The following PRG3 variants were observed in gnomAD, a reference collection of about 807,000 sequenced individuals.
The protein encoded by PRG3 is proteoglycan 3, pro eosinophil major basic protein 2.
A neutral mutation model predicts 26.1 loss-of-function variants in PRG3; 25 were observed. The ratio of observed to expected loss-of-function variants is 0.96; its 90% CI spans 0.70 to 1.34. The LOEUF (loss-of-function observed/expected upper bound fraction) is 1.34. PRG3 is among the 40% of genes most tolerant of loss of function. The pLI, the probability that PRG3 is intolerant of heterozygous loss-of-function variation, is 0.00. For synonymous variants in PRG3, 111 were observed against 100.4 expected (o/e 1.11, Z -0.63); for missense variants, 280 against 264.8 (o/e 1.06, Z -0.40).
Position 57,376,901 on chromosome 11 carries a change from A to G in PRG3, c.627T>C (p.Tyr209=), listed in dbSNP as rs1402028754. The G allele has an allele frequency of 2.5e-6, 4 of 1,612,334 alleles. No individual in the cohort carries two copies. Among genetic ancestry groups the G allele is most frequent in the Admixed American group, 1.7e-5 (1 of 60,016 alleles). The change falls in exon 6 of 6, where the codon TAT becomes TAC. Residue 209 remains tyrosine, a synonymous_variant. Coordinates refer to ENST00000287143, the MANE Select transcript of PRG3 (RefSeq NM_006093.4). ...GCTTGTCGCATTGAGCTCGTCGCCA[A>G]TAACCTCCTAGCAGCACAGAGCACA... ...SCVALCTKGG[Y]WRRAQCDKQL...
intron 2 of PRG3, among the ~76,000 whole-genome samples, chr11:57,380,315 G>T (rs1372752533): frequency 1.3e-5 from 2 of 151,996 alleles, no homozygotes; most frequent in African/African-American, 4.8e-5. Flanking sequence ...CAGAAGAATT[G>T]CTTGAACCCG....
At chr11:57,378,556 C>G (rs1411659899) in intron 4 of PRG3, 125 bp downstream of exon 4, 1 of 1,302,916 alleles carries the variant, frequency 7.7e-7, no homozygotes, top group Non-Finnish European at 1.1e-6. Context: ...AAGCCATCTC[C>G]AGCACATCAT....
At chr11:57,378,322 G>T (rs1016049125) in intron 4 of PRG3, among the ~76,000 whole-genome samples, 2 of 152,164 alleles carry the variant, frequency 1.3e-5, no homozygotes, top group Non-Finnish European at 2.9e-5. Flanking sequence ...ACTAAGCTGG[G>T]CCTGGACTCT....
In PRG3 at chr11:57,378,771, GA is replaced by G. The variant is rs758959771; in HGVS notation, c.416del (p.Ile139ThrfsTer?). 6.2e-7 allele frequency: 1 copy of G among 1,613,832 alleles called. No individual in the cohort carries two copies. Among genetic ancestry groups the G allele is most frequent in the South Asian group, 1.1e-5 (1 of 91,078 alleles). On this transcript the variant is annotated frameshift_variant, in exon 4 of 6. Transcript: ENST00000287143. LOFTEE classifies it high-confidence loss of function. ...TGCGATAGTTGAAGTTGAAGTCATG[GA>G]TAGAGACAAGGTTGCCTCCGTAGCA... Reference protein sequence around the residue: ...SRCYGGNLVSIHDFNFNYRIQ... With the variant: ...SRCYGGNLVSXHDFNFNYRIQ...
At position 57,377,759 on chromosome 11, in the gene PRG3, A is replaced by C; in HGVS notation, c.585T>G (p.Asn195Lys). ...FAYWSPGQPG[N>K]GQGSCVALCT... ...ATAGGGCCACACAGGAGCCTTGCCC[A>C]TTCCCAGGTTGCCCTGGGGACCAGT... The change falls in exon 5 of 6, where the codon AAT becomes AAG. Residue 195 changes from asparagine to lysine, a missense_variant. Asn to Lys is a moderately conservative substitution (Grantham distance 94). Coordinates refer to ENST00000287143, the MANE Select transcript of PRG3 (RefSeq NM_006093.4). The C allele has an allele frequency of 6.2e-7, 1 of 1,613,070 alleles. No homozygotes were observed. The highest frequency in any genetic ancestry group is 8.5e-7 in the Non-Finnish European group (1 of 1,179,928).
intron 3 of PRG3, 23 bp downstream of exon 3, chr11:57,379,471 G>A (rs750153822): frequency 2.9e-5 from 46 of 1,576,740 alleles, no homozygotes; most frequent in South Asian, 2.1e-4. Context: ...CAGGTCCTCC[G>A]CAGTAGCCTC....
chr11:57,380,695 A>G lies in PRG3; in HGVS notation c.14T>C (p.Leu5Ser), dbSNP rs144542413. 17 of 1,572,606 alleles carry G rather than the reference A, an allele frequency of 1.1e-5. No individual in the cohort carries two copies. The South Asian group carries it at 1.8e-4, about 17-fold the overall frequency. The change falls in exon 2 of 6, where the codon TTG (leucine) becomes TCG (serine). Residue 5 changes from leucine (L) to serine (S), a missense_variant. Coordinates refer to ENST00000287143, the MANE Select transcript of PRG3 (RefSeq NM_006093.4). ...TCCCAGCAGGAGAAAGGGCAGGAGC[A>G]AGAGGCATTGCATATCTACTGTCTT... MQCLLLLPFLLLGTV... is the reference protein window; with the variant it reads MQCLSLLPFLLLGTV...
intron 5 of PRG3, among the ~76,000 whole-genome samples, chr11:57,377,126 G>A (rs1258114257): frequency 6.6e-6 from 1 of 151,910 alleles, no homozygotes; most frequent in Non-Finnish European, 1.5e-5. Flanking sequence ...GTGGACTATT[G>A]CATTTAATCC....
chr11:57,378,805 C>T lies in PRG3; in HGVS notation c.383G>A (p.Cys128Tyr). The T allele has an allele frequency of 6.2e-7, 1 of 1,613,664 alleles. No individual in the cohort carries two copies. ...PKTFAEAQNVCSRCYGGNLVS... is the reference protein window; with the variant it reads ...PKTFAEAQNVYSRCYGGNLVS... ...AAGGTTGCCTCCGTAGCATCTGCTGCAGACATTCTGCAGACGGAAACAAAG... is the reference window on the plus strand; with the variant it reads ...AAGGTTGCCTCCGTAGCATCTGCTGTAGACATTCTGCAGACGGAAACAAAG... Residue 128 changes from cysteine to tyrosine, a missense_variant, in exon 4 of 6, where the codon TGC becomes TAC. By Grantham distance (194) the Cys-to-Tyr change is radical (BLOSUM62 -2). Transcript: ENST00000287143.
intron 2 of PRG3, 83 bp from the exon 3 acceptor site, chr11:57,379,890 C>A: frequency 7.7e-7 from 1 of 1,301,082 alleles, no homozygotes; most frequent in Non-Finnish European, 1.0e-6. Context: ...GTCGCTCGAG[C>A]TTTCCTAGGA....
chr11:57,376,965 A>T, intron 5 of PRG3, 57 bp from the exon 6 acceptor site: 1 of 1,592,764 alleles, frequency 6.3e-7, no homozygotes, highest in Non-Finnish European at 8.6e-7. Context: ...CCTGGGCTTC[A>T]CCTCTTTCCC....
chr11:57,376,972 TC>T, intron 5 of PRG3, 64 bp from the exon 6 acceptor site: 1 of 1,583,412 alleles, frequency 6.3e-7, no homozygotes, highest in Non-Finnish European at 8.6e-7. Context: ...TTCACCTCTT[TC>T]CCTCCTCAGG....
In PRG3 at chr11:57,376,844, G is replaced by A. The variant is rs772124152; in HGVS notation, c.*6C>T. The A allele has an allele frequency of 1.9e-6, 3 of 1,612,252 alleles. No individual in the cohort carries two copies. Among genetic ancestry groups the A allele is most frequent in the African/African-American group, 2.7e-5 (2 of 74,908 alleles). ...GAGCTGCTGGCAGGGTCTCCGTGCC[G>A]CTGGCTTAGAAGGAGCAGACGAAGG... On this transcript the variant is annotated 3_prime_UTR_variant, in exon 6 of 6. Transcript: ENST00000287143.
rs1856969303 is a variant in PRG3 at position 57,378,745 on chromosome 11, A to G, written c.443T>C (p.Ile148Thr). 6.2e-7 allele frequency: 1 copy of G among 1,613,876 alleles called. No individual in the cohort carries two copies. The highest frequency in any genetic ancestry group is 1.3e-5 in the African/African-American group (1 of 75,056). ...SIHDFNFNYR[I>T]QCCTSTVNQA... ...GTTGACTGTGCTAGTGCAGCACTGA[A>G]TGCGATAGTTGAAGTTGAAGTCATG... Residue 148 changes from isoleucine (I) to threonine (T), a missense_variant, in exon 4 of 6, where the codon ATT becomes ACT. Physicochemically the swap from Ile to Thr is moderately conservative, Grantham distance 89. Transcript: ENST00000287143.
intron 5 of PRG3, 31 bp from the exon 6 acceptor site, chr11:57,376,939 G>A (rs372042972): frequency 2.1e-5 from 34 of 1,610,254 alleles, no homozygotes; most frequent in Non-Finnish European, 2.8e-5. Flanking sequence ...GAAGTCCACC[G>A]CCCTGCGGGG....
intron 4 of PRG3, 61 bp from the exon 5 acceptor site, chr11:57,377,897 C>A (rs934707518): frequency 1.0e-4 from 140 of 1,398,482 alleles, no homozygotes; most frequent in Non-Finnish European, 1.4e-4. Flanking sequence ...TCATGGAATA[C>A]CCCCTGTTGA....
At chr11:57,377,646 G>C (rs1203934185) in intron 5 of PRG3, 79 bp downstream of exon 5, 5 of 1,223,034 alleles carry the variant, frequency 4.1e-6, no homozygotes, top group Non-Finnish European at 4.6e-6. Flanking sequence ...GGGGAGGTGT[G>C]TTCAGGCAGC....
intron 4 of PRG3, among the ~76,000 whole-genome samples, chr11:57,378,311 G>T: frequency 6.6e-6 from 1 of 152,108 alleles, no homozygotes; most frequent in Non-Finnish European, 1.5e-5. Flanking sequence ...CTTTCTAAGT[G>T]ACTAAGCTGG....
intron 3 of PRG3, 49 bp downstream of exon 3, chr11:57,379,445 G>A (rs772638878): frequency 2.0e-6 from 3 of 1,479,258 alleles, no homozygotes; most frequent in African/African-American, 1.4e-5. Context: ...AAGACTGAAT[G>A]TACTCTCTTT....
Sources: gnomAD v4.1 joint callset for allele counts (sites outside exome capture counted in the v4.1 genomes callset) on GRCh38, gnomAD v4.1.1 for gene constraint, MANE v1.5 for transcripts, NCBI Gene and HGNC (gene_info 2026-07-23, HGNC 2026-07-21) for gene names.